DPYD: variants seen among roughly 807,000 people sequenced by gnomAD.
DPYD encodes dihydropyrimidine dehydrogenase.
In DPYD, 109 loss-of-function variants were observed where a neutral mutation model predicts 116.2. The ratio of observed to expected loss-of-function variants is 0.94; its 90% confidence interval spans 0.80 to 1.10. The LOEUF is 1.10. Ranked by LOEUF, DPYD falls within the 50% of genes least tolerant of loss-of-function variation. DPYD has a pLI of 0.00. For missense variants in DPYD, 1,302 were observed against 1,254.5 expected, an observed-to-expected ratio of 1.04 and a Z score of -0.57; for synonymous variants, 440 against 432.0, an observed-to-expected ratio of 1.02 and a Z score of -0.23.
chr1:97,589,188 T>C (rs1654344133), intron 10 of DPYD, among the ~76,000 whole-genome samples: 1 of 152,234 alleles, frequency 6.6e-6, no homozygotes, highest in Non-Finnish European at 1.5e-5. Context: ...TCTCCTACTT[T>C]TGTGGATTAA....
At chr1:97,542,827 T>C (rs979028683) in intron 12 of DPYD, among the ~76,000 whole-genome samples, 2 of 152,214 alleles carry the variant, frequency 1.3e-5, no homozygotes, top group African/African-American at 2.4e-5. Flanking sequence ...GATTGATGGA[T>C]GTATGTGGAT....
intron 19 of DPYD, among the ~76,000 whole-genome samples, chr1:97,195,594 A>G (rs1246980104): frequency 0.041 from 1,776 of 43,420 alleles, 251 homozygotes; most frequent in African/African-American, 0.19. Context: ...ATATATATAT[A>G]TGTGTGTGTG....
chr1:97,307,762 G>A (rs1245332362), intron 16 of DPYD, among the ~76,000 whole-genome samples: 2 of 151,880 alleles, frequency 1.3e-5, no homozygotes, highest in East Asian at 3.9e-4. Context: ...TGAAAATGGA[G>A]ATCTGCCCCT....
At chr1:97,353,202 C>T (rs1313784237) in intron 16 of DPYD, among the ~76,000 whole-genome samples, 1 of 152,206 alleles carries the variant, frequency 6.6e-6, no homozygotes, top group Non-Finnish European at 1.5e-5. Context: ...TCTCACAGAG[C>T]AGTGCATAAT....
intron 14 of DPYD, among the ~76,000 whole-genome samples, chr1:97,391,984 TACTA>T (rs1313668254): frequency 6.6e-6 from 1 of 151,942 alleles, no homozygotes; most frequent in East Asian, 1.9e-4. Context: ...AAAAAAATAA[TACTA>T]ACTAAGATAA....
intron 19 of DPYD, among the ~76,000 whole-genome samples, chr1:97,213,311 G>A (rs1244035556): frequency 6.6e-6 from 1 of 152,004 alleles, no homozygotes; most frequent in East Asian, 1.9e-4. Flanking sequence ...GCTTACAAAA[G>A]GTGTGTCTCA....
chr1:97,533,090 T>C (rs1649754105), intron 12 of DPYD, among the ~76,000 whole-genome samples: 1 of 152,192 alleles, frequency 6.6e-6, no homozygotes, highest in Admixed American at 6.5e-5. Flanking sequence ...TTTGTGTTTT[T>C]GTTTTAGTTT....
intron 12 of DPYD, among the ~76,000 whole-genome samples, chr1:97,547,700 A>G (rs1239132039): frequency 6.6e-6 from 1 of 151,978 alleles, no homozygotes; most frequent in African/African-American, 2.4e-5. Context: ...TGTTGTTTAA[A>G]GATGAGGTCT....
chr1:97,155,020 G>C (rs1655335459), intron 20 of DPYD, among the ~76,000 whole-genome samples: 1 of 152,202 alleles, frequency 6.6e-6, no homozygotes, highest in Non-Finnish European at 1.5e-5. Context: ...CAAAAATGAA[G>C]CAAGGTAGAG....
intron 19 of DPYD, among the ~76,000 whole-genome samples, chr1:97,196,132 C>T (rs1658793056): frequency 6.6e-6 from 1 of 152,036 alleles, no homozygotes; most frequent in South Asian, 2.1e-4. Context: ...CAGAGTCTTG[C>T]TCTGTCACCC....
chr1:97,869,189 G>A (rs942937974), intron 2 of DPYD, among the ~76,000 whole-genome samples: 11 of 151,596 alleles, frequency 7.3e-5, no homozygotes, highest in Non-Finnish European at 1.6e-4. Context: ...CCCCAGCCTC[G>A]GTCAGTTCTC....
At chr1:97,788,237 T>A (rs1298367443) in intron 3 of DPYD, among the ~76,000 whole-genome samples, 1 of 152,154 alleles carries the variant, frequency 6.6e-6, no homozygotes, top group Non-Finnish European at 1.5e-5. Context: ...TGAGTTCCAA[T>A]GACCTATAAA....
chr1:97,532,172 T>G (rs979850820), intron 12 of DPYD, among the ~76,000 whole-genome samples: 1 of 152,188 alleles, frequency 6.6e-6, no homozygotes, highest in Non-Finnish European at 1.5e-5. Context: ...ATCACATTTA[T>G]TGATTTGTGT....
intron 15 of DPYD, among the ~76,000 whole-genome samples, chr1:97,378,103 T>A (rs1671742238): frequency 6.6e-6 from 1 of 152,140 alleles, no homozygotes; most frequent in African/African-American, 2.4e-5. Flanking sequence ...AAAACTGGAG[T>A]TAAAGTTCTC....
At chr1:97,682,291 A>T (rs2100925126) in intron 7 of DPYD, among the ~76,000 whole-genome samples, 1 of 151,960 alleles carries the variant, frequency 6.6e-6, no homozygotes, top group Admixed American at 6.6e-5. Flanking sequence ...GCAAGACTTG[A>T]CTTTACCATG....
intron 8 of DPYD, among the ~76,000 whole-genome samples, chr1:97,601,566 C>T (rs1417202641): frequency 6.6e-6 from 1 of 151,910 alleles, no homozygotes; most frequent in Admixed American, 6.6e-5. Context: ...ATATTCCTTT[C>T]AAGTGTCTAA....
intron 5 of DPYD, chr1:97,719,745 C>A: frequency 2.0e-6 from 2 of 984,930 alleles, no homozygotes; most frequent in Non-Finnish European, 2.4e-6. Context: ...AAAAAAAGGA[C>A]AAAAAGCTTT....
chr1:97,899,504 TA>T (rs1673255608), intron 1 of DPYD, among the ~76,000 whole-genome samples: 1 of 151,868 alleles, frequency 6.6e-6, no homozygotes. Flanking sequence ...ACAACTTCTA[TA>T]TCCTGAGGGT....
At chr1:97,571,098 A>G (rs1652864067) in intron 11 of DPYD, among the ~76,000 whole-genome samples, 1 of 152,056 alleles carries the variant, frequency 6.6e-6, no homozygotes, top group Non-Finnish European at 1.5e-5. Context: ...TGGATAAATG[A>G]AAGAATGAAC....
Sources: allele counts gnomAD v4.1 joint callset (sites outside exome capture counted in the v4.1 genomes callset), GRCh38; gene constraint gnomAD v4.1.1; transcripts MANE v1.5; gene names NCBI Gene and HGNC (gene_info 2026-07-23, HGNC 2026-07-21).